RGL3: variants seen among roughly 807,000 people sequenced by gnomAD.
RGL3 encodes the protein ral guanine nucleotide dissociation stimulator like 3.
Under a neutral mutation model 90.6 loss-of-function variants are expected in RGL3, and 85 were observed. The ratio of observed to expected loss-of-function variants is 0.94; its 90% CI spans 0.79 to 1.12. RGL3 has a LOEUF of 1.12. RGL3 is among the 50% of genes most tolerant of loss of function. The pLI is 0.00. For synonymous variants in RGL3, 408 were observed against 385.5 expected (o/e 1.06, Z -0.68); for missense variants, 1,034 against 939.2 (o/e 1.10, Z -1.32).
At chr19:11,402,277 A>T (rs771727911) in intron 11 of RGL3, 30 bp from the exon 12 acceptor site, 2 of 1,606,118 alleles carry the variant, frequency 1.2e-6, no homozygotes, top group Admixed American at 3.4e-5. Context: ...GAATTGCAGC[A>T]CCCAGGGTCA....
In RGL3 at chr19:11,397,114, C is replaced by T. The variant is rs1050451330; in HGVS notation, c.2014+130G>A. 4.3e-6 allele frequency: 3 copies of T among 701,062 alleles called. No homozygotes were observed. In the African/African-American group the frequency reaches 5.4e-5, roughly 13 times the overall value. 43.4% of individuals were successfully genotyped at this position (701,062 alleles called of 1,614,324 possible). A position where few individuals can be genotyped will look rare whatever the true frequency, so the allele number is the denominator to read the frequency against. ...CTCTTACCTCCACTGATTATCTTAC[C>T]CCTACTCTCTGCCTGAAGCACCTCA... is the stretch of plus-strand genomic sequence containing the variant. On this transcript the variant is annotated intron_variant, in intron 18 of 18. Coordinates refer to ENST00000380456, the MANE Select transcript of RGL3 (RefSeq NM_001035223.4).
chr19:11,412,346 T>C (rs1968889287), intron 5 of RGL3, among the ~76,000 whole-genome samples: 1 of 151,742 alleles, frequency 6.6e-6, no homozygotes, highest in Non-Finnish European at 1.5e-5. Flanking sequence ...TATGTATGAA[T>C]TGACATAAGC....
rs1307397129 is a variant in RGL3 at position 11,416,102 on chromosome 19, C to T, written c.472G>A (p.Asp158Asn). ...LGSWLQDHPQDFRDHPAHSDL... is the reference protein window; with the variant it reads ...LGSWLQDHPQNFRDHPAHSDL... Reference sequence around the variant, plus strand: ...GAATGGGCAGGGTGGTCTCGGAAATCCTGAGGGTGGTCCTGCAGCCAGGAG... The same window carrying T: ...GAATGGGCAGGGTGGTCTCGGAAATTCTGAGGGTGGTCCTGCAGCCAGGAG... The change falls in exon 5 of 19, where the codon GAT becomes AAT. Residue 158 changes from aspartate to asparagine, a missense_variant. Physicochemically the swap from Asp to Asn is conservative, Grantham distance 23. Transcript: ENST00000380456. The T allele has an allele frequency of 6.2e-7, 1 of 1,602,626 alleles. No homozygotes were observed. The highest frequency in any genetic ancestry group is 1.1e-5 in the South Asian group (1 of 89,754).
chr19:11,406,827 A>G lies in RGL3; in HGVS notation c.675T>C (p.Ser225=). ...PRVAQTSDPD[S]SEACAEEEEG... Reference sequence around the variant, plus strand: ...CCTCTTCCTCCGCGCAGGCCTCTGAAGAGTCTGGGTCAGAAGTTTGGGCAA... The same window carrying G: ...CCTCTTCCTCCGCGCAGGCCTCTGAGGAGTCTGGGTCAGAAGTTTGGGCAA... Residue 225 remains serine (S), a synonymous_variant, in exon 6 of 19, where the codon TCT becomes TCC. Coordinates refer to ENST00000380456, the MANE Select transcript of RGL3 (RefSeq NM_001035223.4). 1 of 1,592,194 alleles carries G rather than the reference A, an allele frequency of 6.3e-7. No individual in the cohort carries two copies. Among genetic ancestry groups the G allele is most frequent in the Non-Finnish European group, 8.6e-7 (1 of 1,160,958 alleles).
chr19:11,418,910 G>C, intron 1 of RGL3, 126 bp from the exon 2 acceptor site: 5 of 768,270 alleles, frequency 6.5e-6, no homozygotes, highest in Non-Finnish European at 1.0e-5. Flanking sequence ...GCCAGAAGCT[G>C]CGAGACTAGG....
At position 11,406,744 on chromosome 19, in the gene RGL3, T is replaced by C. The variant is rs1457548338; in HGVS notation, c.758A>G (p.Glu253Gly). 1.9e-6 allele frequency: 3 copies of C among 1,614,002 alleles called. No homozygotes were observed. Among genetic ancestry groups the C allele is most frequent in the Non-Finnish European group, 2.5e-6 (3 of 1,180,012 alleles). The change falls in exon 6 of 19, where the codon GAG becomes GGG. Residue 253 changes from glutamate to glycine, a missense_variant. By Grantham distance (98) the Glu-to-Gly change is moderately conservative. Coordinates refer to ENST00000380456, the MANE Select transcript of RGL3 (RefSeq NM_001035223.4). ...CACCAAGTCTATGAGGGTCAGCTGC[T>C]CGGCCACCTCGTCCACGCTGAAGTC... ...LLDFSVDEVA[E>G]QLTLIDLELF... is the part of the protein sequence containing the mutation.
Position 11,413,361 on chromosome 19 carries a change from C to T in RGL3, c.637+2576G>A, listed in dbSNP as rs969586425. Among the ~76,000 whole-genome samples the T allele has an allele frequency of 2.3e-4, 35 of 151,262 alleles. No homozygotes were observed. The East Asian group carries it at 5.1e-3, about 22-fold the overall frequency. On this transcript the variant is annotated intron_variant, in intron 5 of 18. Coordinates refer to ENST00000380456, the MANE Select transcript of RGL3 (RefSeq NM_001035223.4). ...GACCAGACTGACCAACATAGTGAAA[C>T]GCTGTCTCTAATAAAAATACAAAAT...
intron 13 of RGL3, among the ~76,000 whole-genome samples, chr19:11,401,481 T>C (rs1041286690): frequency 8.6e-5 from 13 of 151,512 alleles, no homozygotes; most frequent in Non-Finnish European, 1.6e-4. Flanking sequence ...CTGCAAGCTC[T>C]GCCTCCCGGG....
chr19:11,416,803 TGGAGAATACGGA>T (rs1281653685), intron 3 of RGL3, 21 bp downstream of exon 3: 2 of 1,610,102 alleles, frequency 1.2e-6, no homozygotes, highest in Non-Finnish European at 1.7e-6. Context: ...GGTTCTAGGG[TGGAGAATACGGA>T]GGTTATGGTT....
chr19:11,414,247 CTTTATATATATACCTT>C (rs1968933504), intron 5 of RGL3, among the ~76,000 whole-genome samples: 3 of 65,280 alleles, frequency 4.6e-5, no homozygotes, highest in African/African-American at 1.9e-4. Flanking sequence ...ATATATATAC[CTTTATATATATACCTT>C]TATATATATA....
Position 11,402,817 on chromosome 19 carries a change from T to C in RGL3, c.1186-111A>G, listed in dbSNP as rs78774464. 1,315 of 963,508 alleles carry C rather than the reference T, an allele frequency of 1.4e-3. 11 individuals carry two copies. The African/African-American group carries it at 0.019, about 14-fold the overall frequency. 59.7% of individuals were successfully genotyped at this position (963,508 alleles called of 1,614,324 possible). ...CCTTCATGCTTTGAGTAATCAAAAG[T>C]CAGTGGTAGGCCAGGTGCGATGGCT... On this transcript the variant is annotated intron_variant, in intron 9 of 18. Coordinates refer to ENST00000380456, the MANE Select transcript of RGL3 (RefSeq NM_001035223.4).
At chr19:11,400,366 A>G in intron 13 of RGL3, 69 bp from the exon 14 acceptor site, 1 of 1,389,196 alleles carries the variant, frequency 7.2e-7, no homozygotes, top group Admixed American at 2.5e-5. Flanking sequence ...TAAGAGTTGG[A>G]ATCAGTTGGG....
chr19:11,405,405 A>G lies in RGL3; in HGVS notation c.1018T>C (p.Phe340Leu), dbSNP rs780172032. The G allele has an allele frequency of 6.4e-7, 1 of 1,573,872 alleles. No homozygotes were observed. The highest frequency in any genetic ancestry group is 1.4e-5 in the African/African-American group (1 of 73,234). ...GACAGGATGGCGCGCAAGGAGGAGAAGTTCCGCAGTTCTCGGCAGCGCTGC... is the reference window on the plus strand; with the variant it reads ...GACAGGATGGCGCGCAAGGAGGAGAGGTTCCGCAGTTCTCGGCAGCGCTGC... Reference protein sequence around the residue: ...IAQRCRELRNFSSLRAILSAL... With the variant: ...IAQRCRELRNLSSLRAILSAL... Residue 340 changes from phenylalanine to leucine, a missense_variant, in exon 8 of 19, where the codon TTC (phenylalanine) becomes CTC (leucine). Phe to Leu is a conservative substitution (Grantham distance 22). Transcript: ENST00000380456.
intron 5 of RGL3, chr19:11,411,398 A>C (rs894158170): frequency 2.0e-5 from 3 of 152,034 alleles, no homozygotes; most frequent in African/African-American, 7.2e-5. Flanking sequence ...CAGCATCCTA[A>C]GTAGCTGGGA....
intron 2 of RGL3, 110 bp downstream of exon 2, chr19:11,418,561 C>CCCCT (rs1028311887): frequency 1.2e-6 from 1 of 843,922 alleles, no homozygotes; most frequent in Admixed American, 2.7e-5. Context: ...CGCCTCCGAG[C>CCCCT]CCCTCCCTTC....
chr19:11,402,270 T>A (rs770560578), intron 11 of RGL3, 23 bp from the exon 12 acceptor site: 2 of 1,611,016 alleles, frequency 1.2e-6, no homozygotes, highest in East Asian at 4.5e-5. Context: ...TGTGTCTGAA[T>A]TGCAGCACCC....
At position 11,406,828 on chromosome 19, in the gene RGL3, G is replaced by A. The variant is rs1968792974; in HGVS notation, c.674C>T (p.Ser225Phe). The A allele has an allele frequency of 6.2e-7, 1 of 1,613,680 alleles. No individual in the cohort carries two copies. The highest frequency in any genetic ancestry group is 1.3e-5 in the African/African-American group (1 of 75,032). Residue 225 changes from serine to phenylalanine, a missense_variant, in exon 6 of 19, where the codon TCT becomes TTT. Physicochemically the swap from Ser to Phe is radical, Grantham distance 155 (BLOSUM62 -2). Coordinates refer to ENST00000380456, the MANE Select transcript of RGL3 (RefSeq NM_001035223.4). ...CTCTTCCTCCGCGCAGGCCTCTGAA[G>A]AGTCTGGGTCAGAAGTTTGGGCAAC... ...PRVAQTSDPD[S>F]SEACAEEEEG... is the part of the protein sequence containing the mutation.
intron 2 of RGL3, among the ~76,000 whole-genome samples, chr19:11,417,461 CT>C (rs1014692442): frequency 6.8e-6 from 1 of 147,066 alleles, no homozygotes; most frequent in Non-Finnish European, 1.5e-5. Context: ...TGCCCAGCCC[CT>C]AGCACCACTT....
intron 7 of RGL3, among the ~76,000 whole-genome samples, chr19:11,406,196 C>G (rs1254977451): frequency 6.6e-6 from 1 of 152,082 alleles, no homozygotes; most frequent in African/African-American, 2.4e-5. Context: ...TTCTCCGGTC[C>G]GGGCTCCCTA....
Sources: gnomAD v4.1 joint callset for allele counts (sites outside exome capture counted in the v4.1 genomes callset) on GRCh38, gnomAD v4.1.1 for gene constraint, MANE v1.5 for transcripts, NCBI Gene and HGNC (gene_info 2026-07-23, HGNC 2026-07-21) for gene names.